Variants in DHRS4 observed in about 807,000 individuals in gnomAD.
The protein encoded by DHRS4 is dehydrogenase/reductase 4.
DHRS4 carries 20 observed loss-of-function variants against 28.4 expected under a neutral mutation model. That is an observed-to-expected ratio of 0.71 (90% CI 0.50 to 1.02). The LOEUF is 1.02. Ranked by LOEUF, DHRS4 falls within the 50% of genes least tolerant of loss-of-function variation. DHRS4 has a pLI of 0.00. For missense variants in DHRS4, 378 were observed against 367.2 expected (o/e 1.03, Z -0.24); for synonymous variants, 144 against 146.4 (o/e 0.98, Z 0.12).
intron 3 of DHRS4, 21 bp downstream of exon 3, chr14:23,960,024 G>T (rs557856625): frequency 6.5e-7 from 1 of 1,528,776 alleles, no homozygotes; most frequent in Admixed American, 1.7e-5. Context: ...ATTAAAGCAG[G>T]GGGGCCGGGG....
At chr14:23,963,827 T>C (rs1015636300) in intron 3 of DHRS4, among the ~76,000 whole-genome samples, 1 of 149,528 alleles carries the variant, frequency 6.7e-6, no homozygotes, top group African/African-American at 2.5e-5. Flanking sequence ...GCTTTTGATT[T>C]AAAGTGAAAG....
intron 6 of DHRS4, among the ~76,000 whole-genome samples, chr14:23,966,883 G>A (rs571209669): frequency 2.6e-5 from 4 of 152,280 alleles, no homozygotes; most frequent in Non-Finnish European, 4.4e-5. Context: ...TTTCTGGGTG[G>A]GGTGGCTCAT....
chr14:23,960,839 C>T (rs908136896), intron 3 of DHRS4, among the ~76,000 whole-genome samples: 7 of 152,018 alleles, frequency 4.6e-5, no homozygotes, highest in Non-Finnish European at 7.3e-5. Context: ...TTTTGGCTTA[C>T]GATACTGCAG....
At position 23,953,901 on chromosome 14, in the gene DHRS4, C is replaced by G. The variant is rs2032955052; in HGVS notation, c.113C>G (p.Thr38Arg). ...DPLANKVALV[T>R]ASTDGIGFAI... ...CTCGCAAATAAGGTGGCCCTGGTAA[C>G]GGCCTCCACCGACGGGTGAGTGCTC... The change falls in exon 1 of 8, where the codon ACG becomes AGG. Residue 38 changes from threonine to arginine, a missense_variant. Coordinates refer to ENST00000313250, the MANE Select transcript of DHRS4 (RefSeq NM_021004.4). The G allele has an allele frequency of 6.3e-7, 1 of 1,596,722 alleles. No homozygotes were observed. Among genetic ancestry groups the G allele is most frequent in the South Asian group, 1.1e-5 (1 of 89,218 alleles).
At chr14:23,960,495 TA>T (rs1307797161) in intron 3 of DHRS4, among the ~76,000 whole-genome samples, 3 of 151,962 alleles carry the variant, frequency 2.0e-5, no homozygotes. Flanking sequence ...TTTAAAAAAA[TA>T]AAATAAAAAC....
In DHRS4 at chr14:23,968,637, C is replaced by T. The variant is rs2033727837; in HGVS notation, c.723-120C>T. 3.9e-6 allele frequency: 6 copies of T among 1,525,424 alleles called. No homozygotes were observed. The East Asian group carries it at 1.5e-4, about 37-fold the overall frequency. 94.5% of individuals were successfully genotyped at this position (1,525,424 alleles called of 1,614,324 possible). A position where few individuals can be genotyped will look rare whatever the true frequency, so the allele number is the denominator to read the frequency against. ...ATTTGATAGGCAGAAAGCTTGTACA[C>T]TGACCCTGAAAAAGCCATCTGATAA... On this transcript the variant is annotated intron_variant, in intron 7 of 7. Transcript: ENST00000313250.
chr14:23,955,171 C>T lies in DHRS4; in HGVS notation c.265C>T (p.His89Tyr). 1.2e-6 allele frequency: 2 copies of T among 1,613,782 alleles called. No homozygotes were observed. Among genetic ancestry groups the T allele is most frequent in the South Asian group, 1.1e-5 (1 of 91,030 alleles). The change falls in exon 2 of 8, where the codon CAT (histidine) becomes TAT (tyrosine). Residue 89 changes from histidine (H) to tyrosine (Y), a missense_variant. Coordinates refer to ENST00000313250, the MANE Select transcript of DHRS4 (RefSeq NM_021004.4). ...GCTGAGCGTGACGGGCACCGTGTGC[C>T]ATGTGGGGAAGGCGGAGGACCGGGA... ...EGLSVTGTVC[H>Y]VGKAEDRERL...
chr14:23,958,050 C>G (rs2033246860), intron 2 of DHRS4, among the ~76,000 whole-genome samples: 1 of 152,144 alleles, frequency 6.6e-6, no homozygotes, highest in South Asian at 2.1e-4. Flanking sequence ...CACTTATTAA[C>G]TTACTCTGCA....
chr14:23,967,215 G>C lies in DHRS4; in HGVS notation c.671G>C (p.Trp224Ser). 1 of 1,612,784 alleles carries C rather than the reference G, an allele frequency of 6.2e-7. No individual in the cohort carries two copies. Residue 224 changes from tryptophan to serine, a missense_variant, in exon 7 of 8, where the codon TGG becomes TCG. Transcript: ENST00000313250. ...AGATTTCCCTTCTTCCTGCAGCTCT[G>C]GATGGACAAGGAAAAAGAGGAAAGC... ...LIKTSFSRMLWMDKEKEESMK... is the reference protein window; with the variant it reads ...LIKTSFSRMLSMDKEKEESMK...
At chr14:23,956,839 G>T (rs936332973) in intron 2 of DHRS4, among the ~76,000 whole-genome samples, 5 of 152,066 alleles carry the variant, frequency 3.3e-5, no homozygotes, top group African/African-American at 1.2e-4. Context: ...CCTGACCTCA[G>T]GTGATCCACC....
At position 23,965,835 on chromosome 14, in the gene DHRS4, A is replaced by C; in HGVS notation, c.479+3A>C. ...GTGCCAGAAATGGAGAAACGAGGGTACAGAGAGTGAGAGAGAGCCTGGGTG... is the reference window on the plus strand; with the variant it reads ...GTGCCAGAAATGGAGAAACGAGGGTCCAGAGAGTGAGAGAGAGCCTGGGTG... On this transcript the variant is annotated splice_donor_region_variant and intron_variant, in intron 4 of 7. Coordinates refer to ENST00000313250, the MANE Select transcript of DHRS4 (RefSeq NM_021004.4). 1 of 1,606,960 alleles carries C rather than the reference A, an allele frequency of 6.2e-7. No homozygotes were observed. Among genetic ancestry groups the C allele is most frequent in the Non-Finnish European group, 8.5e-7 (1 of 1,176,242 alleles).
intron 2 of DHRS4, among the ~76,000 whole-genome samples, chr14:23,959,344 G>T (rs2033308395): frequency 6.6e-6 from 1 of 152,202 alleles, no homozygotes; most frequent in South Asian, 2.1e-4. Context: ...GATGGCTTGA[G>T]CCCAGGAGTT....
Position 23,961,804 on chromosome 14 carries a change from C to T in DHRS4, c.408+1801C>T, listed in dbSNP as rs2138455612. Among the ~76,000 whole-genome samples, 6 of 140,642 alleles carry T rather than the reference C, an allele frequency of 4.3e-5. No individual in the cohort carries two copies. The Middle Eastern group carries it at 0.011, about 255-fold the overall frequency. 92.3% of individuals were successfully genotyped at this position (140,642 alleles called of 152,430 possible). ...TTGGGATTGCAGGCATGAGCCACCA[C>T]ACACAGCCAGATTCTGATAGTCTTT... is the stretch of plus-strand genomic sequence containing the variant. On this transcript the variant is annotated intron_variant, in intron 3 of 7. Transcript: ENST00000313250.
At chr14:23,956,228 G>A (rs996310575) in intron 2 of DHRS4, among the ~76,000 whole-genome samples, 1 of 152,168 alleles carries the variant, frequency 6.6e-6, no homozygotes, top group Non-Finnish European at 1.5e-5. Context: ...CCCCAAGATT[G>A]GGGCCTTGAT....
At chr14:23,961,966 A>G (rs1336242155) in intron 3 of DHRS4, among the ~76,000 whole-genome samples, 7 of 132,372 alleles carry the variant, frequency 5.3e-5, no homozygotes, top group Middle Eastern at 3.9e-3. Context: ...ATATTATAAT[A>G]AAGTGAGTCA....
intron 3 of DHRS4, among the ~76,000 whole-genome samples, chr14:23,963,688 G>C (rs1163230278): frequency 2.7e-5 from 4 of 146,972 alleles, no homozygotes; most frequent in African/African-American, 7.8e-5. Flanking sequence ...GTTCAGAGAA[G>C]TAGCACTTTT....
At chr14:23,966,794 C>A (rs2033638245) in intron 6 of DHRS4, among the ~76,000 whole-genome samples, 1 of 152,286 alleles carries the variant, frequency 6.6e-6, no homozygotes, top group African/African-American at 2.4e-5. Flanking sequence ...CTCTCCCCAT[C>A]CCTCCTCTCA....
chr14:23,963,488 A>G (rs1357130196), intron 3 of DHRS4, among the ~76,000 whole-genome samples: 11 of 147,246 alleles, frequency 7.5e-5, no homozygotes, highest in Middle Eastern at 3.4e-3. Context: ...TGAACCAACC[A>G]CTGCTAGCTT....
At position 23,959,943 on chromosome 14, in the gene DHRS4, T is replaced by A. The variant is rs771636129; in HGVS notation, c.348T>A (p.Asn116Lys). The A allele has an allele frequency of 1.2e-5, 19 of 1,611,864 alleles. No individual in the cohort carries two copies. The highest frequency in any genetic ancestry group is 1.6e-5 in the Non-Finnish European group (19 of 1,179,810). Residue 116 changes from asparagine (N) to lysine (K), a missense_variant, in exon 3 of 8, where the codon AAT (asparagine) becomes AAA (lysine). By Grantham distance (94) the Asn-to-Lys change is moderately conservative (BLOSUM62 0). Transcript: ENST00000313250. ...LHGGIDILVS[N>K]AAVNPFFGSI... ...GAGGTATCGATATCCTAGTCTCCAA[T>A]GCTGCTGTCAACCCTTTCTTTGGAA...
Sources: gnomAD v4.1 joint callset for allele counts (sites outside exome capture counted in the v4.1 genomes callset) on GRCh38, gnomAD v4.1.1 for gene constraint, MANE v1.5 for transcripts, NCBI Gene and HGNC (gene_info 2026-07-23, HGNC 2026-07-21) for gene names.